ARHGAP35: variants seen among roughly 807,000 people sequenced by gnomAD.
ARHGAP35 encodes the protein rho GTPase-activating protein 35.
A neutral mutation model predicts 111.1 loss-of-function variants in ARHGAP35; 15 were observed. The observed-to-expected ratio is 0.13, with a 90% CI of 0.09 to 0.21. The LOEUF is 0.21. Ranked by LOEUF, ARHGAP35 falls within the 10% of genes least tolerant of loss-of-function variation. The pLI, the probability that ARHGAP35 is intolerant of heterozygous loss-of-function variation, is 1.00. For synonymous variants in ARHGAP35, 643 were observed against 710.3 expected, an observed-to-expected ratio of 0.91 and a Z score of 1.51; for missense variants, 1,262 against 1,873.0, an observed-to-expected ratio of 0.67 and a Z score of 6.02.
intron 3 of ARHGAP35, among the ~76,000 whole-genome samples, chr19:46,956,956 CTTTTT>C (rs11449203): frequency 9.3e-6 from 1 of 107,618 alleles, no homozygotes. Context: ...TTAAAGCAGA[CTTTTT>C]TTTTTTTTTT....
chr19:46,930,537 A>G (rs1183119423), intron 2 of ARHGAP35, among the ~76,000 whole-genome samples: 9 of 145,900 alleles, frequency 6.2e-5, no homozygotes, highest in Non-Finnish European at 1.3e-4. Flanking sequence ...TTCCTTTATT[A>G]GATGTGTTAC....
At chr19:46,916,503 T>A (rs2056164796) in intron 1 of ARHGAP35, among the ~76,000 whole-genome samples, 1 of 152,166 alleles carries the variant, frequency 6.6e-6, no homozygotes, top group Non-Finnish European at 1.5e-5. Flanking sequence ...TGCTGAATCA[T>A]CATTCAGTTA....
intron 3 of ARHGAP35, among the ~76,000 whole-genome samples, chr19:46,969,529 A>C (rs1217151206): frequency 6.6e-6 from 1 of 152,080 alleles, no homozygotes; most frequent in East Asian, 1.9e-4. Context: ...CACTCTCAGG[A>C]GCAACCAGGG....
intron 2 of ARHGAP35, among the ~76,000 whole-genome samples, chr19:46,935,015 G>T (rs1417837010): frequency 6.6e-6 from 1 of 152,194 alleles, no homozygotes; most frequent in African/African-American, 2.4e-5. Flanking sequence ...GAAGATGCTA[G>T]AGACACAGTA....
chr19:46,954,392 G>A (rs2056428357), intron 3 of ARHGAP35, among the ~76,000 whole-genome samples: 1 of 152,202 alleles, frequency 6.6e-6, no homozygotes, highest in South Asian at 2.1e-4. Context: ...GTGTCCACAT[G>A]ACCAGAACAC....
chr19:46,909,883 G>A lies in ARHGAP35; in HGVS notation c.-188-8605G>A, dbSNP rs1326247559. Reference sequence around the variant, plus strand: ...TGCAGCCTTGAACTCCTGGGCTCAGGTGATCTTCCCACCTGAGCCCCCTGA... The same window carrying A: ...TGCAGCCTTGAACTCCTGGGCTCAGATGATCTTCCCACCTGAGCCCCCTGA... On this transcript the variant is annotated intron_variant, in intron 1 of 6. Transcript: ENST00000672722. Among the ~76,000 whole-genome samples, 4 of 152,166 alleles carry A rather than the reference G, an allele frequency of 2.6e-5. 1 individual carries two copies. In the East Asian group the frequency reaches 5.8e-4, roughly 22 times the overall value.
Position 46,999,901 on chromosome 19 carries a change from C to T in ARHGAP35, c.4143-430C>T, listed in dbSNP as rs1043007116. On this transcript the variant is annotated intron_variant, in intron 6 of 6. Coordinates refer to ENST00000672722, the MANE Select transcript of ARHGAP35 (RefSeq NM_004491.5). The surrounding 1 kb of genome is among the most constrained non-coding windows in gnomAD (Gnocchi z 5.4). ...GCCAGCCTCCGGCATGGAGCACAGC[C>T]GCAGGCGGGAGGCCGTATGGTTGTT... 4.1e-5 allele frequency: 9 copies of T among 217,842 alleles called. No individual in the cohort carries two copies. The highest frequency in any genetic ancestry group is 1.6e-4 in the Admixed American group (3 of 19,328). The allele number at this position is 217,842 out of a possible 1,614,324, so 13.5% of individuals were successfully genotyped here. A position where few individuals can be genotyped will look rare whatever the true frequency, so the allele number is the denominator to read the frequency against.
At position 46,945,435 on chromosome 19, in the gene ARHGAP35, T is replaced by A. The variant is rs2056373819; in HGVS notation, c.3826+8027T>A. ...TCTGGAATGGGGCAAGAGGTTACTT[T>A]TAGAGCTGGCTCACAATCCTCCTGA... On this transcript the variant is annotated intron_variant, in intron 3 of 6. Coordinates refer to ENST00000672722, the MANE Select transcript of ARHGAP35 (RefSeq NM_004491.5). This position sits in a 1 kb window ranked among gnomAD's most constrained non-coding sequence, Gnocchi z 4.1. Among the ~76,000 whole-genome samples the A allele has an allele frequency of 6.6e-6, 1 of 152,150 alleles. No individual in the cohort carries two copies. The highest frequency in any genetic ancestry group is 2.4e-5 in the African/African-American group (1 of 41,432).
At chr19:46,939,482 T>G (rs1451254026) in intron 3 of ARHGAP35, among the ~76,000 whole-genome samples, 1 of 152,058 alleles carries the variant, frequency 6.6e-6, no homozygotes, top group African/African-American at 2.4e-5. Flanking sequence ...CGATCTAGAC[T>G]CACTGCAACC....
intron 5 of ARHGAP35, among the ~76,000 whole-genome samples, chr19:46,997,934 C>T (rs2056722071): frequency 6.6e-6 from 1 of 152,056 alleles, no homozygotes; most frequent in African/African-American, 2.4e-5. Flanking sequence ...AACCCCGTCT[C>T]TACTAAAAAT....
In ARHGAP35 at chr19:46,993,710, G is replaced by T. The variant is rs543042631; in HGVS notation, c.4036+4035G>T. On this transcript the variant is annotated intron_variant, in intron 5 of 6. Transcript: ENST00000672722. This position sits in a 1 kb window ranked among gnomAD's most constrained non-coding sequence, Gnocchi z 4.6. ...TTGGACGTTTCTTGTTGTCTCAGTCGATGGCCCCTAAGTTCAAAAGTATGA... is the reference window on the plus strand; with the variant it reads ...TTGGACGTTTCTTGTTGTCTCAGTCTATGGCCCCTAAGTTCAAAAGTATGA... 2.0e-5 allele frequency among the ~76,000 whole-genome samples: 3 copies of T among 152,092 alleles called. No homozygotes were observed. Among genetic ancestry groups the T allele is most frequent in the African/African-American group, 7.2e-5 (3 of 41,404 alleles).
intron 1 of ARHGAP35, among the ~76,000 whole-genome samples, chr19:46,878,643 G>T (rs1255022440): frequency 2.0e-5 from 3 of 151,970 alleles, no homozygotes; most frequent in African/African-American, 7.3e-5. Context: ...TGTTTTTGTT[G>T]TTGTTGTTGT....
chr19:46,948,507 A>G (rs2122242187), intron 3 of ARHGAP35: 1 of 152,308 alleles, frequency 6.6e-6, no homozygotes, highest in South Asian at 2.1e-4. Context: ...ACAGCCCCAA[A>G]CTAGGAGCCA....
chr19:46,862,521 C>A (rs2055834261), intron 1 of ARHGAP35, among the ~76,000 whole-genome samples: 1 of 152,096 alleles, frequency 6.6e-6, no homozygotes, highest in Admixed American at 6.6e-5. Context: ...GTCACCCATC[C>A]CCTTCCTGTT....
chr19:46,919,007 C>T lies in ARHGAP35; in HGVS notation c.332C>T (p.Thr111Met). 1 of 1,613,978 alleles carries T rather than the reference C, an allele frequency of 6.2e-7. No homozygotes were observed. Among genetic ancestry groups the T allele is most frequent in the Non-Finnish European group, 8.5e-7 (1 of 1,179,896 alleles). Residue 111 changes from threonine to methionine, a missense_variant, in exon 2 of 7, where the codon ACG becomes ATG. Thr to Met is a moderately conservative substitution (Grantham distance 81). Around this residue, in one of 8 missense-constraint regions of ARHGAP35, gnomAD observed 125 missense variants for 301.7 expected, o/e 0.41. Transcript: ENST00000672722. The surrounding 1 kb of genome is among the most constrained non-coding windows in gnomAD (Gnocchi z 6.2). ...CAGACTTTTCAACCTCATCGAAGCA[C>T]GGCCCTGCAGCCCTATATCAAGAGA... ...DDQTFQPHRS[T>M]ALQPYIKRAA...
intron 1 of ARHGAP35, among the ~76,000 whole-genome samples, chr19:46,907,666 A>G (rs942904809): frequency 1.3e-5 from 2 of 149,476 alleles, no homozygotes; most frequent in Non-Finnish European, 1.5e-5. Flanking sequence ...TTTAGTAGAG[A>G]CGGGGTTTCA....
Position 46,879,618 on chromosome 19 carries a change from A to AT in ARHGAP35, c.-189+18409_-189+18410insT, listed in dbSNP as rs61023166. Among the ~76,000 whole-genome samples, 521 of 75,196 alleles carry AT rather than the reference A, an allele frequency of 6.9e-3. 4 individuals carry two copies. Among genetic ancestry groups the AT allele is most frequent in the African/African-American group, 0.023 (488 of 21,166 alleles). 49.3% of individuals were successfully genotyped at this position (75,196 alleles called of 152,430 possible). A position where few individuals can be genotyped will look rare whatever the true frequency, so the allele number is the denominator to read the frequency against. On this transcript the variant is annotated intron_variant, in intron 1 of 6. Transcript: ENST00000672722. ...AATAAATAAATAAATAAATAAATAA[A>AT]AATAAAAATACAAAAATTAGCCACG...
At chr19:46,873,565 G>GA (rs1203940842) in intron 1 of ARHGAP35, among the ~76,000 whole-genome samples, 2 of 150,810 alleles carry the variant, frequency 1.3e-5, no homozygotes, top group East Asian at 2.0e-4. Context: ...TAGAACCCAG[G>GA]AGGTGGAGGT....
intron 3 of ARHGAP35, among the ~76,000 whole-genome samples, chr19:46,967,594 G>A (rs2056522727): frequency 1.3e-5 from 2 of 152,054 alleles, no homozygotes; most frequent in African/African-American, 4.8e-5. Flanking sequence ...AAAATAAATG[G>A]GATCACTTCA....
Sources: gnomAD v4.1 joint callset for allele counts (sites outside exome capture counted in the v4.1 genomes callset) on GRCh38, gnomAD v4.1.1 for gene constraint, gnomAD v4.1.1 regional missense constraint, Gnocchi (gnomAD v3.1) non-coding constraint, MANE v1.5 for transcripts, NCBI Gene and HGNC (gene_info 2026-07-23, HGNC 2026-07-21) for gene names.